Variants in NOSTRIN observed in about 807,000 individuals in gnomAD.
The protein encoded by NOSTRIN is nitric oxide synthase trafficking.
In NOSTRIN, 63 loss-of-function variants were observed where a neutral mutation model predicts 59.0. That is an observed-to-expected ratio of 1.07 (90% CI 0.87 to 1.32). The LOEUF is 1.32. NOSTRIN is among the 40% of genes most tolerant of loss of function. The pLI is 0.00. For missense variants in NOSTRIN, 512 were observed against 473.1 expected (o/e 1.08, Z -0.76); for synonymous variants, 200 against 165.4 (o/e 1.21, Z -1.61).
intron 15 of NOSTRIN, among the ~76,000 whole-genome samples, chr2:168,864,227 G>A (rs569082174): frequency 3.3e-5 from 5 of 151,218 alleles, no homozygotes; most frequent in East Asian, 1.9e-4. Flanking sequence ...TCTGCCCATC[G>A]CGGCCTCCCA....
At chr2:168,794,547 T>A (rs1007085862), upstream of NOSTRIN, among the ~76,000 whole-genome samples, 1 of 151,822 alleles carries the variant, frequency 6.6e-6, no homozygotes, top group Admixed American at 6.6e-5. Flanking sequence ...GAGACGGGGT[T>A]TCACTGTGTT....
upstream of NOSTRIN, among the ~76,000 whole-genome samples, chr2:168,796,295 C>T (rs185870746): frequency 3.9e-5 from 6 of 152,328 alleles, no homozygotes; most frequent in East Asian, 1.9e-4. Context: ...TGTGTCAAGA[C>T]GTGTCACCCA....
At chr2:168,796,961 A>G (rs542239342), upstream of NOSTRIN, among the ~76,000 whole-genome samples, 1 of 152,274 alleles carries the variant, frequency 6.6e-6, no homozygotes, top group East Asian at 1.9e-4. Flanking sequence ...AATGAAAGCA[A>G]TTATTTATTG....
At chr2:168,860,941 G>C in intron 14 of NOSTRIN, 32 bp downstream of exon 14, 1 of 1,405,784 alleles carries the variant, frequency 7.1e-7, no homozygotes, top group Non-Finnish European at 1.0e-6. Context: ...TTTTGGCCTG[G>C]GTCCTACTGG....
chr2:168,792,262 C>T (rs932033455), intron 2 of NOSTRIN, among the ~76,000 whole-genome samples: 16 of 151,906 alleles, frequency 1.1e-4, no homozygotes, highest in African/African-American at 3.9e-4. Context: ...CTATGACTTT[C>T]AAGAGTCATA....
intron 7 of NOSTRIN, among the ~76,000 whole-genome samples, chr2:168,840,301 C>T (rs981454555): frequency 1.3e-5 from 2 of 151,980 alleles, no homozygotes; most frequent in African/African-American, 2.4e-5. Context: ...GAGGCTGAAA[C>T]GGGCGGATCA....
intron 7 of NOSTRIN, among the ~76,000 whole-genome samples, chr2:168,840,529 C>CAAAAAAAAAAA (rs59235003): frequency 5.7e-4 from 57 of 99,318 alleles, no homozygotes; most frequent in Middle Eastern, 7.5e-3. Context: ...GACTCCATCT[C>CAAAAAAAAAAA]AAAAAAAAAA....
intron 2 of NOSTRIN, among the ~76,000 whole-genome samples, chr2:168,813,148 T>C (rs994367575): frequency 3.3e-5 from 5 of 152,216 alleles, no homozygotes; most frequent in African/African-American, 4.8e-5. Context: ...AAGGAAATTA[T>C]TTAAAATAAG....
intron 2 of NOSTRIN, among the ~76,000 whole-genome samples, chr2:168,816,255 T>C (rs1011074259): frequency 2.6e-5 from 4 of 152,224 alleles, no homozygotes; most frequent in African/African-American, 9.6e-5. Context: ...GCTGAGGCCC[T>C]GTGCCTGTCT....
At chr2:168,863,371 T>C in intron 15 of NOSTRIN, 2 of 980,516 alleles carry the variant, frequency 2.0e-6, no homozygotes, top group Non-Finnish European at 2.4e-6. Context: ...ATTTCCTTTG[T>C]CTTAGAAAGA....
chr2:168,853,909 C>T (rs1191775353), intron 10 of NOSTRIN, among the ~76,000 whole-genome samples: 1 of 151,676 alleles, frequency 6.6e-6, no homozygotes, highest in East Asian at 1.9e-4. Flanking sequence ...GCTCTGTGGC[C>T]CAGGCTGGAG....
intron 2 of NOSTRIN, among the ~76,000 whole-genome samples, chr2:168,823,753 T>C (rs1425662293): frequency 6.6e-6 from 1 of 152,128 alleles, no homozygotes; most frequent in African/African-American, 2.4e-5. Flanking sequence ...TTCAACCCAT[T>C]AGCATGATGT....
At position 168,842,978 on chromosome 2, in the gene NOSTRIN, A is replaced by G. The variant is rs1453956803; in HGVS notation, c.505-14A>G. On this transcript the variant is annotated splice_polypyrimidine_tract_variant and intron_variant, in intron 7 of 15. Coordinates refer to ENST00000317647, the MANE Select transcript of NOSTRIN (RefSeq NM_001039724.4). The stretch of plus-strand genomic sequence containing the variant: ...ATGTGTTAGTAAATGTGTGACATTG[A>G]TGTTTTACATTAGCTCCTCAATAAA... 1.2e-6 allele frequency: 1 copy of G among 869,342 alleles called. No individual in the cohort carries two copies. The highest frequency in any genetic ancestry group is 2.0e-6 in the Non-Finnish European group (1 of 500,402). The allele number at this position is 869,342 out of a possible 1,614,324, so 53.9% of individuals were successfully genotyped here.
intron 7 of NOSTRIN, among the ~76,000 whole-genome samples, chr2:168,842,533 G>C (rs1388591191): frequency 1.3e-5 from 2 of 152,310 alleles, no homozygotes; most frequent in African/African-American, 4.8e-5. Context: ...ACAGTAGCCA[G>C]ACTCATTCTA....
At position 168,815,006 on chromosome 2, in the gene NOSTRIN, G is replaced by A. The variant is rs1170383350; in HGVS notation, c.113+3354G>A. Among the ~76,000 whole-genome samples the A allele has an allele frequency of 3.9e-5, 6 of 152,274 alleles. No homozygotes were observed. The East Asian group carries it at 9.6e-4, about 24-fold the overall frequency. On this transcript the variant is annotated intron_variant, in intron 2 of 15. Transcript: ENST00000317647. ...AGGCCTTTATTGTCCTTGGAGGTAT[G>A]CATTTCCAGACCCCTTACTTAAGAG...
chr2:168,850,982 G>A, intron 8 of NOSTRIN, 102 bp from the exon 9 acceptor site: 1 of 865,396 alleles, frequency 1.2e-6, no homozygotes, highest in Non-Finnish European at 2.0e-6. Context: ...GGCTAATCAT[G>A]AGACTTTGTT....
intron 8 of NOSTRIN, among the ~76,000 whole-genome samples, chr2:168,847,593 G>C (rs1046497474): frequency 6.6e-5 from 10 of 152,204 alleles, no homozygotes; most frequent in African/African-American, 2.2e-4. Context: ...GCAAGAACTG[G>C]AAGGAACGAA....
intron 1 of NOSTRIN, among the ~76,000 whole-genome samples, chr2:168,804,330 A>G (rs1470477403): frequency 6.6e-6 from 1 of 152,160 alleles, no homozygotes; most frequent in African/African-American, 2.4e-5. Flanking sequence ...GGTCATCTGT[A>G]TGGGCTCATT....
At chr2:168,819,194 T>C (rs1686585691) in intron 2 of NOSTRIN, among the ~76,000 whole-genome samples, 1 of 152,178 alleles carries the variant, frequency 6.6e-6, no homozygotes, top group Admixed American at 6.5e-5. Context: ...CTTTTTCAGC[T>C]TGAACCGAGA....
Sources: gnomAD v4.1 joint callset for allele counts (sites outside exome capture counted in the v4.1 genomes callset) on GRCh38, gnomAD v4.1.1 for gene constraint, MANE v1.5 for transcripts, NCBI Gene and HGNC (gene_info 2026-07-23, HGNC 2026-07-21) for gene names.